BMPR1B: variants seen among roughly 807,000 people sequenced by gnomAD.
The protein encoded by BMPR1B is bone morphogenetic protein receptor type-1B.
Under a neutral mutation model 59.1 loss-of-function variants are expected in BMPR1B, and 12 were observed. That is an observed-to-expected ratio of 0.20 (90% CI 0.13 to 0.33). The LOEUF (loss-of-function observed/expected upper bound fraction) is 0.33, where lower values mean the gene tolerates loss of function less well. Ranked by LOEUF, BMPR1B falls within the 10% of genes least tolerant of loss-of-function variation. The pLI, the probability that BMPR1B is intolerant of heterozygous loss-of-function variation, is 1.00. For synonymous variants in BMPR1B, 237 were observed against 207.3 expected, an observed-to-expected ratio of 1.14 and a Z score of -1.23; for missense variants, 550 against 610.9, an observed-to-expected ratio of 0.90 and a Z score of 1.05.
At position 94,919,109 on chromosome 4, in the gene BMPR1B, G is replaced by A. The variant is rs950910764; in HGVS notation, c.-113+43209G>A. ...TCATGTTATTTCTTCTTCTTGTTTC[G>A]AGGCCTCTGCTACCCCACCAACTCT... On this transcript the variant is annotated intron_variant, in intron 2 of 12. Transcript: ENST00000515059. Among the ~76,000 whole-genome samples, 66 of 151,796 alleles carry A rather than the reference G, an allele frequency of 4.3e-4. 3 individuals carry two copies. The highest frequency in any genetic ancestry group is 4.1e-3 in the Admixed American group (62 of 15,226).
intron 2 of BMPR1B, among the ~76,000 whole-genome samples, chr4:94,924,069 A>C (rs1728797662): frequency 6.6e-6 from 1 of 152,142 alleles, no homozygotes; most frequent in African/African-American, 2.4e-5. Flanking sequence ...TTTTGGAAGA[A>C]ATCCTTGACC....
rs1167826885 is a variant in BMPR1B, at chr4:95,131,448, A to G, written c.1012A>G (p.Ile338Val). The G allele has an allele frequency of 1.9e-6, 3 of 1,614,102 alleles. No individual in the cohort carries two copies. Among genetic ancestry groups the G allele is most frequent in the Non-Finnish European group, 2.5e-6 (3 of 1,179,992 alleles). The change falls in exon 10 of 13, where the codon ATT becomes GTT. Residue 338 changes from isoleucine to valine, a missense_variant. Ile to Val is a conservative substitution (Grantham distance 29). Transcript: ENST00000515059. Reference protein sequence around the residue: ...IAHRDLKSKNILVKKNGTCCI... With the variant: ...IAHRDLKSKNVLVKKNGTCCI... ...CCATCGAGATCTGAAAAGTAAAAAC[A>G]TTCTGGTGAAGAAAAATGGAACTTG... is the stretch of plus-strand genomic sequence containing the variant.
Position 95,148,735 on chromosome 4 carries a change from A to G in BMPR1B, c.1077-13A>G. On this transcript the variant is annotated splice_polypyrimidine_tract_variant and intron_variant, in intron 10 of 12. Transcript: ENST00000515059. The stretch of plus-strand genomic sequence containing the variant: ...CTTCAATGCTGTAATGCTTTGCTTT[A>G]CTTTTTCCTTAGTGATACAAATGAA... 1 of 1,613,142 alleles carries G rather than the reference A, an allele frequency of 6.2e-7. No homozygotes were observed. Among genetic ancestry groups the G allele is most frequent in the Non-Finnish European group, 8.5e-7 (1 of 1,179,224 alleles).
intron 2 of BMPR1B, among the ~76,000 whole-genome samples, chr4:94,974,943 C>T (rs1730957106): frequency 6.6e-6 from 1 of 152,164 alleles, no homozygotes; most frequent in Admixed American, 6.5e-5. Context: ...GAGTTTATTG[C>T]ATTCTGTTTT....
At chr4:94,861,617 CAT>C (rs1462171377) in intron 1 of BMPR1B, among the ~76,000 whole-genome samples, 2 of 152,104 alleles carry the variant, frequency 1.3e-5, no homozygotes, top group African/African-American at 4.8e-5. Flanking sequence ...ACACACAAAA[CAT>C]ATACATATAT....
Position 94,961,326 on chromosome 4 carries a change from A to G in BMPR1B, c.-112-34714A>G, listed in dbSNP as rs1297241548. On this transcript the variant is annotated intron_variant, in intron 2 of 12. Coordinates refer to ENST00000515059, the MANE Select transcript of BMPR1B (RefSeq NM_001203.3). Reference sequence around the variant, plus strand: ...CTAGGACAATGGCCGTTTTTCTGCTACAGTGAAGAGTTGAGTAGCTTTATC... The same window carrying G: ...CTAGGACAATGGCCGTTTTTCTGCTGCAGTGAAGAGTTGAGTAGCTTTATC... 2.0e-5 allele frequency among the ~76,000 whole-genome samples: 3 copies of G among 152,140 alleles called. No individual in the cohort carries two copies. The East Asian group carries it at 5.8e-4, about 29-fold the overall frequency.
intron 6 of BMPR1B, 100 bp downstream of exon 6, chr4:95,115,887 C>A: frequency 9.2e-7 from 1 of 1,084,608 alleles, no homozygotes; most frequent in Non-Finnish European, 1.4e-6. Context: ...GTACCACTTT[C>A]CACTGCTGGA....
At chr4:94,788,872 C>T (rs1023305586) in intron 1 of BMPR1B, among the ~76,000 whole-genome samples, 11 of 152,202 alleles carry the variant, frequency 7.2e-5, no homozygotes, top group African/African-American at 2.4e-4. Flanking sequence ...TCTTCCTCTT[C>T]GGCATGGCCC....
At chr4:94,885,256 A>G (rs1275548819) in intron 2 of BMPR1B, among the ~76,000 whole-genome samples, 1 of 152,214 alleles carries the variant, frequency 6.6e-6, no homozygotes, top group African/African-American at 2.4e-5. Context: ...TTGCAGCAGT[A>G]GTAAACAGAT....
chr4:94,778,294 A>T (rs1418061603), intron 1 of BMPR1B, among the ~76,000 whole-genome samples: 1 of 152,118 alleles, frequency 6.6e-6, no homozygotes, highest in Non-Finnish European at 1.5e-5. Context: ...ATATGTGTGT[A>T]TACCTAACCA....
chr4:94,974,590 T>C (rs957402715), intron 2 of BMPR1B, among the ~76,000 whole-genome samples: 8 of 152,220 alleles, frequency 5.3e-5, no homozygotes, highest in African/African-American at 1.9e-4. Context: ...GCTTCACATC[T>C]CTGTGAAGAC....
chr4:94,993,875 A>C (rs1219591522), intron 2 of BMPR1B, among the ~76,000 whole-genome samples: 2 of 152,136 alleles, frequency 1.3e-5, no homozygotes, highest in Non-Finnish European at 2.9e-5. Context: ...CAAGAAAATA[A>C]ATAGCAATGT....
At chr4:94,886,185 G>T (rs1727163750) in intron 2 of BMPR1B, among the ~76,000 whole-genome samples, 1 of 152,058 alleles carries the variant, frequency 6.6e-6, no homozygotes, top group Admixed American at 6.5e-5. Flanking sequence ...AGTAAGCTTG[G>T]ATAGATATAG....
In BMPR1B at chr4:95,156,128, A is replaced by C. The variant is rs1418796694; in HGVS notation, c.*1455A>C. ...ACCTACTTAGTTCTACAGGGTTTTA[A>C]CTTTGGAGCAACATGAATAAAATCA... On this transcript the variant is annotated 3_prime_UTR_variant, in exon 13 of 13. Coordinates refer to ENST00000515059, the MANE Select transcript of BMPR1B (RefSeq NM_001203.3). 6.6e-6 allele frequency: 1 copy of C among 152,108 alleles called. No individual in the cohort carries two copies. The highest frequency in any genetic ancestry group is 1.5e-5 in the Non-Finnish European group (1 of 68,014). 9.4% of individuals were successfully genotyped at this position (152,108 alleles called of 1,614,324 possible). A position where few individuals can be genotyped will look rare whatever the true frequency, so the allele number is the denominator to read the frequency against.
At chr4:94,791,072 C>T (rs1435013189) in intron 1 of BMPR1B, among the ~76,000 whole-genome samples, 1 of 152,144 alleles carries the variant, frequency 6.6e-6, no homozygotes, top group African/African-American at 2.4e-5. Flanking sequence ...ACTGCAACCT[C>T]CGCCTCCTGG....
chr4:95,014,441 T>A (rs1723439067), intron 3 of BMPR1B, among the ~76,000 whole-genome samples: 1 of 152,216 alleles, frequency 6.6e-6, no homozygotes, highest in Non-Finnish European at 1.5e-5. Context: ...CTGACCTGTT[T>A]AATTTGATGA....
chr4:95,014,891 T>A (rs1723479113), intron 3 of BMPR1B, among the ~76,000 whole-genome samples: 1 of 152,154 alleles, frequency 6.6e-6, no homozygotes, highest in Non-Finnish European at 1.5e-5. Flanking sequence ...GAATGTCATC[T>A]AGCAGGGCTA....
At chr4:95,039,805 T>G (rs1404552559) in intron 3 of BMPR1B, among the ~76,000 whole-genome samples, 1 of 152,190 alleles carries the variant, frequency 6.6e-6, no homozygotes, top group Non-Finnish European at 1.5e-5. Flanking sequence ...TGTAGTGTAG[T>G]GTATTTTCTA....
chr4:95,088,337 G>A (rs891128237), intron 3 of BMPR1B, among the ~76,000 whole-genome samples: 3 of 152,142 alleles, frequency 2.0e-5, no homozygotes, highest in African/African-American at 7.2e-5. Flanking sequence ...CACAGAGACA[G>A]GAGCCTGGCA....
Sources: allele counts gnomAD v4.1 joint callset (sites outside exome capture counted in the v4.1 genomes callset), GRCh38; gene constraint gnomAD v4.1.1; transcripts MANE v1.5; gene names NCBI Gene and HGNC (gene_info 2026-07-23, HGNC 2026-07-21).